Variants in FAM169A observed in about 807,000 individuals in gnomAD.
FAM169A encodes the protein soluble lamin-associated protein of 75 kDa.
Under a neutral mutation model 75.7 loss-of-function variants are expected in FAM169A, and 24 were observed. That is an observed-to-expected ratio of 0.32 (90% CI 0.23 to 0.45). The LOEUF is 0.45. Ranked by LOEUF, FAM169A falls within the 20% of genes least tolerant of loss-of-function variation. The pLI is 1.00. For missense variants in FAM169A, 673 were observed against 784.0 expected, an observed-to-expected ratio of 0.86 and a Z score of 1.69; for synonymous variants, 271 against 271.0, an observed-to-expected ratio of 1.00 and a Z score of 0.00.
intron 4 of FAM169A, among the ~76,000 whole-genome samples, 197 bp from the exon 5 acceptor site, chr5:74,834,794 C>T (rs1242643768): frequency 2.0e-5 from 3 of 152,056 alleles, no homozygotes; most frequent in Non-Finnish European, 4.4e-5. Context: ...CATTTCCACA[C>T]ACACATATTA....
chr5:74,811,489 T>C (rs1747191285), intron 6 of FAM169A, among the ~76,000 whole-genome samples: 2 of 152,094 alleles, frequency 1.3e-5, no homozygotes, highest in South Asian at 4.1e-4. Flanking sequence ...AGAGAGAAAA[T>C]ATGATTCAAG....
chr5:74,840,625 C>T (rs1175939021), intron 2 of FAM169A, among the ~76,000 whole-genome samples: 7 of 151,188 alleles, frequency 4.6e-5, no homozygotes, highest in Non-Finnish European at 8.8e-5. Context: ...GTCAGGAGAT[C>T]GAGACCATCC....
At chr5:74,866,604 G>T (rs1408237947), upstream of FAM169A, 2 of 647,432 alleles carry the variant, frequency 3.1e-6, no homozygotes, top group African/African-American at 2.0e-5. Context: ...CCCTCTCTCC[G>T]CCCCGGCCGC....
chr5:74,834,979 T>G (rs2112652297), intron 4 of FAM169A, among the ~76,000 whole-genome samples: 1 of 145,850 alleles, frequency 6.9e-6, no homozygotes, highest in African/African-American at 2.7e-5. Context: ...CTACTTCAAC[T>G]GCTTTTCAGT....
Position 74,782,294 on chromosome 5 carries a change from A to G in FAM169A, c.1465-286T>C, listed in dbSNP as rs373579769. On this transcript the variant is annotated intron_variant, in intron 12 of 12. Transcript: ENST00000687041. ...AAGACACATTAAGCTTCATATCAAG[A>G]TTCTTTAAAACCATGAATCAACTCA... 7.2e-5 allele frequency among the ~76,000 whole-genome samples: 11 copies of G among 152,286 alleles called. No individual in the cohort carries two copies. The East Asian group carries it at 1.5e-3, about 21-fold the overall frequency.
intron 5 of FAM169A, among the ~76,000 whole-genome samples, chr5:74,833,119 T>C (rs993828064): frequency 3.9e-5 from 6 of 152,150 alleles, no homozygotes; most frequent in East Asian, 1.9e-4. Context: ...AAGCCCTCAA[T>C]ACAAAAGTAT....
At chr5:74,846,001 C>T (rs779961692) in intron 1 of FAM169A, among the ~76,000 whole-genome samples, 10 of 152,072 alleles carry the variant, frequency 6.6e-5, no homozygotes, top group African/African-American at 9.7e-5. Context: ...ATTATAAACA[C>T]GAAACAAATG....
intron 4 of FAM169A, among the ~76,000 whole-genome samples, chr5:74,836,098 T>C (rs1031945064): frequency 2.0e-5 from 3 of 152,224 alleles, no homozygotes; most frequent in African/African-American, 2.4e-5. Flanking sequence ...GTGGATTTCA[T>C]GAAGATATTT....
chr5:74,795,556 T>C (rs879593287), intron 11 of FAM169A, among the ~76,000 whole-genome samples: 1 of 152,222 alleles, frequency 6.6e-6, no homozygotes, highest in African/African-American at 2.4e-5. Flanking sequence ...AACATGAATT[T>C]AGTTATTTTT....
intron 5 of FAM169A, among the ~76,000 whole-genome samples, chr5:74,819,096 A>C (rs1318734242): frequency 6.6e-6 from 1 of 151,898 alleles, no homozygotes; most frequent in Non-Finnish European, 1.5e-5. Context: ...GCACACACCT[A>C]TAACCCCAGC....
At chr5:74,801,255 C>CCT (rs1746561640) in intron 9 of FAM169A, among the ~76,000 whole-genome samples, 1 of 152,124 alleles carries the variant, frequency 6.6e-6, no homozygotes, top group Non-Finnish European at 1.5e-5. Context: ...GTAAGTCATT[C>CCT]CTCACGTTCC....
At chr5:74,798,921 G>A (rs978250791) in intron 10 of FAM169A, 39 of 721,018 alleles carry the variant, frequency 5.4e-5, no homozygotes, top group African/African-American at 1.1e-4. Context: ...CCCAGAGTCC[G>A]TAAATCCTCT....
At chr5:74,810,819 C>CCT (rs1294557712) in intron 6 of FAM169A, among the ~76,000 whole-genome samples, 6 of 115,186 alleles carry the variant, frequency 5.2e-5, no homozygotes, top group Non-Finnish European at 1.0e-4. Context: ...GATATTTGCC[C>CCT]TTTTTTTTTT....
chr5:74,849,293 C>T (rs1177378859), intron 1 of FAM169A, among the ~76,000 whole-genome samples: 2 of 151,910 alleles, frequency 1.3e-5, no homozygotes, highest in Admixed American at 1.3e-4. Flanking sequence ...AGTTAGAAAA[C>T]AAATTTATAT....
chr5:74,797,753 T>C (rs1240161917), intron 10 of FAM169A, among the ~76,000 whole-genome samples: 1 of 152,206 alleles, frequency 6.6e-6, no homozygotes, highest in Admixed American at 6.5e-5. Context: ...TGCAGAAAGT[T>C]CTATTTCTCA....
At chr5:74,814,132 C>T (rs1169113025) in intron 5 of FAM169A, 113 bp from the exon 6 acceptor site, 10 of 662,184 alleles carry the variant, frequency 1.5e-5, no homozygotes, top group Middle Eastern at 3.4e-4. Context: ...TATCAAAAAA[C>T]GTTAAATATA....
chr5:74,862,531 A>C (rs1750091054), intron 1 of FAM169A, among the ~76,000 whole-genome samples: 1 of 152,192 alleles, frequency 6.6e-6, no homozygotes, highest in Non-Finnish European at 1.5e-5. Flanking sequence ...GAATTAATGC[A>C]GCCCTCCTCG....
rs1561334632 is a variant in FAM169A at position 74,866,339 on chromosome 5, G to A, written c.-178C>T. 1.0e-6 allele frequency: 1 copy of A among 984,320 alleles called. No individual in the cohort carries two copies. Among genetic ancestry groups the A allele is most frequent in the Non-Finnish European group, 1.2e-6 (1 of 829,618 alleles). 61.0% of individuals were successfully genotyped at this position (984,320 alleles called of 1,614,324 possible). ...GCTCGCCCCGGACGCCCGGCTCCTC[G>A]TCGCGGGTCGGCCGCGGCCCACCGT... On this transcript the variant is annotated 5_prime_UTR_variant, in exon 1 of 13. In the 5' UTR this introduces an upstream ATG that the reference lacks. Transcript: ENST00000687041.
chr5:74,781,786 T>TA lies in FAM169A; in HGVS notation c.1686dup (p.Asn563Ter). ...TGGTCTTCCAATGAGGAAGTAGTATTAGGAGACAAATTCTCAGAGACCGGT... is the reference window on the plus strand; with the variant it reads ...TGGTCTTCCAATGAGGAAGTAGTATTAAGGAGACAAATTCTCAGAGACCGGT... On this transcript the variant is annotated frameshift_variant, in exon 13 of 13. Transcript: ENST00000687041. LOFTEE classifies it high-confidence loss of function. The TA allele has an allele frequency of 6.2e-7, 1 of 1,614,050 alleles. No homozygotes were observed. The highest frequency in any genetic ancestry group is 8.5e-7 in the Non-Finnish European group (1 of 1,179,962).
Sources: gnomAD v4.1 joint callset for allele counts (sites outside exome capture counted in the v4.1 genomes callset) on GRCh38, gnomAD v4.1.1 for gene constraint, MANE v1.5 for transcripts, NCBI Gene and HGNC (gene_info 2026-07-23, HGNC 2026-07-21) for gene names.